The following SYNRG variants were observed in gnomAD, a reference collection of about 807,000 sequenced individuals.
SYNRG encodes the protein synergin gamma.
SYNRG carries 37 observed loss-of-function variants against 130.9 expected under a neutral mutation model. The ratio of observed to expected loss-of-function variants is 0.28; its 90% CI spans 0.22 to 0.37. SYNRG has a LOEUF of 0.37. SYNRG is among the 10% of genes least tolerant of loss of function. The probability of loss-of-function intolerance (pLI) is 1.00; values close to 1 mark genes in which losing one functional copy is unlikely to be tolerated. For missense variants in SYNRG, 1,338 were observed against 1,588.9 expected (o/e 0.84, Z 2.68); for synonymous variants, 539 against 568.1 (o/e 0.95, Z 0.73).
At chr17:37,520,516 G>A in intron 20 of SYNRG, 22 bp downstream of exon 20, 1 of 1,605,866 alleles carries the variant, frequency 6.2e-7, no homozygotes, top group Non-Finnish European at 8.5e-7. Flanking sequence ...TTTGCTGTCT[G>A]CAAGGAGGCT....
chr17:37,567,771 A>C (rs963988161), intron 11 of SYNRG: 3 of 152,258 alleles, frequency 2.0e-5, no homozygotes, highest in Non-Finnish European at 1.5e-5. Flanking sequence ...GAGATGAGCG[A>C]AACTGCATAA....
intron 19 of SYNRG, among the ~76,000 whole-genome samples, chr17:37,526,417 C>CCT (rs2055924347): frequency 6.6e-6 from 1 of 152,234 alleles, no homozygotes; most frequent in Non-Finnish European, 1.5e-5. Flanking sequence ...GTGATCTAGA[C>CCT]ACAGGTTCCA....
intron 19 of SYNRG, among the ~76,000 whole-genome samples, chr17:37,523,675 T>C (rs1201376521): frequency 6.6e-6 from 1 of 152,170 alleles, no homozygotes; most frequent in Admixed American, 6.5e-5. Context: ...GTGTCTGAAA[T>C]AGCAGTAGCC....
chr17:37,584,881 T>C (rs1598520212), intron 5 of SYNRG, 122 bp from the exon 6 acceptor site: 1 of 694,816 alleles, frequency 1.4e-6, no homozygotes, highest in East Asian at 2.7e-5. Flanking sequence ...ATACTTCTGA[T>C]AATGAATTAT....
Position 37,538,306 on chromosome 17 carries a change from A to C in SYNRG, c.3517+18T>G. 1 of 1,561,130 alleles carries C rather than the reference A, an allele frequency of 6.4e-7. No homozygotes were observed. The highest frequency in any genetic ancestry group is 8.7e-7 in the Non-Finnish European group (1 of 1,152,110). On this transcript the variant is annotated intron_variant, in intron 18 of 21. Coordinates refer to ENST00000612223, the MANE Select transcript of SYNRG (RefSeq NM_007247.6). ...CAAAGGGCCATCATTTTCAATAGTA[A>C]AATATGAAAGAACATACCTAATAAA...
At chr17:37,595,507 T>C (rs1051118336) in intron 3 of SYNRG, among the ~76,000 whole-genome samples, 1 of 152,000 alleles carries the variant, frequency 6.6e-6, no homozygotes, top group East Asian at 1.9e-4. Context: ...CGGGAGAAAG[T>C]GGGGGAAGGG....
At chr17:37,562,501 C>T (rs891285909) in intron 11 of SYNRG, among the ~76,000 whole-genome samples, 1 of 152,088 alleles carries the variant, frequency 6.6e-6, no homozygotes, top group African/African-American at 2.4e-5. Context: ...CATTCAATAC[C>T]ATGCACAAGT....
intron 14 of SYNRG, among the ~76,000 whole-genome samples, chr17:37,545,407 C>A (rs957939311): frequency 6.6e-6 from 1 of 151,916 alleles, no homozygotes; most frequent in Non-Finnish European, 1.5e-5. Context: ...AAAAAGGAGA[C>A]AATTTTCCTA....
At chr17:37,561,164 A>G in intron 13 of SYNRG, 31 bp downstream of exon 13, 1 of 1,580,390 alleles carries the variant, frequency 6.3e-7, no homozygotes, top group Non-Finnish European at 8.7e-7. Context: ...AAATGGAAAT[A>G]ATTTATCCTT....
intron 6 of SYNRG, among the ~76,000 whole-genome samples, chr17:37,582,760 T>C (rs532857942): frequency 6.6e-6 from 1 of 152,010 alleles, no homozygotes; most frequent in Non-Finnish European, 1.5e-5. Flanking sequence ...ACTCACGAGG[T>C]TGAAGTGGTA....
intron 11 of SYNRG, chr17:37,568,169 C>T (rs887277544): frequency 7.9e-5 from 12 of 152,168 alleles, no homozygotes; most frequent in African/African-American, 2.9e-4. Context: ...ACGCCACTGC[C>T]CTCCAGCCTG....
At position 37,518,758 on chromosome 17, in the gene SYNRG, G is replaced by T; in HGVS notation, c.*182C>A. The T allele has an allele frequency of 1.4e-6, 1 of 699,332 alleles. No individual in the cohort carries two copies. The highest frequency in any genetic ancestry group is 2.2e-6 in the Non-Finnish European group (1 of 444,472). The allele number at this position is 699,332 out of a possible 1,614,324, so 43.3% of individuals were successfully genotyped here. A position where few individuals can be genotyped will look rare whatever the true frequency, so the allele number is the denominator to read the frequency against. Reference sequence around the variant, plus strand: ...CTGGTGCCACGTGCAGTTTGGGTGGGACAATTTTACCTGAAGTCCTGCAGA... The same window carrying T: ...CTGGTGCCACGTGCAGTTTGGGTGGTACAATTTTACCTGAAGTCCTGCAGA... On this transcript the variant is annotated 3_prime_UTR_variant, in exon 22 of 22. Coordinates refer to ENST00000612223, the MANE Select transcript of SYNRG (RefSeq NM_007247.6).
At chr17:37,606,243 G>A (rs542539885) in intron 1 of SYNRG, among the ~76,000 whole-genome samples, 1 of 152,148 alleles carries the variant, frequency 6.6e-6, no homozygotes, top group Non-Finnish European at 1.5e-5. Context: ...TCTCTGTGAC[G>A]ATCTCTTGAC....
At position 37,600,392 on chromosome 17, in the gene SYNRG, G is replaced by A; in HGVS notation, c.89C>T (p.Pro30Leu). 6.2e-7 allele frequency: 1 copy of A among 1,613,272 alleles called. No homozygotes were observed. Among genetic ancestry groups the A allele is most frequent in the Non-Finnish European group, 8.5e-7 (1 of 1,179,776 alleles). The change falls in exon 2 of 22, where the codon CCT (proline) becomes CTT (leucine). Residue 30 changes from proline (P) to leucine (L), a missense_variant. Pro to Leu is a moderately conservative substitution (Grantham distance 98). This residue lies in a region of SYNRG where 184 missense variants were observed against 217.2 expected (regional missense o/e 0.85). Coordinates refer to ENST00000612223, the MANE Select transcript of SYNRG (RefSeq NM_007247.6). ...GSAGGGGFMF[P>L]VAGGIRPPQA... ...AGGGGGTCTTATCCCACCTGCAACAGGAAACATGAAGCTGAAAACAGAATA... is the reference window on the plus strand; with the variant it reads ...AGGGGGTCTTATCCCACCTGCAACAAGAAACATGAAGCTGAAAACAGAATA...
At chr17:37,558,701 G>C (rs190281963) in intron 13 of SYNRG, among the ~76,000 whole-genome samples, 21 of 152,288 alleles carry the variant, frequency 1.4e-4, no homozygotes, top group Non-Finnish European at 2.5e-4. Context: ...CACAAGCAAA[G>C]TATAGTAACT....
At position 37,518,825 on chromosome 17, in the gene SYNRG, C is replaced by T. The variant is rs909937633; in HGVS notation, c.*115G>A. ...CGGGGGCCCCGTCCCTTGCGGTGTT[C>T]TTCATATCGATTCAGGGAAGCGAAC... On this transcript the variant is annotated 3_prime_UTR_variant, in exon 22 of 22. Transcript: ENST00000612223. 1 of 1,458,978 alleles carries T rather than the reference C, an allele frequency of 6.9e-7. No homozygotes were observed. Among genetic ancestry groups the T allele is most frequent in the African/African-American group, 1.4e-5 (1 of 70,664 alleles). 90.4% of individuals were successfully genotyped at this position (1,458,978 alleles called of 1,614,324 possible). A position where few individuals can be genotyped will look rare whatever the true frequency, so the allele number is the denominator to read the frequency against.
In SYNRG at chr17:37,596,104, A is replaced by G. The variant is rs377427888; in HGVS notation, c.240+119T>C. 22 of 1,177,244 alleles carry G rather than the reference A, an allele frequency of 1.9e-5. No homozygotes were observed. In the African/African-American group the frequency reaches 3.4e-4, roughly 18 times the overall value. The allele number at this position is 1,177,244 out of a possible 1,614,324, so 72.9% of individuals were successfully genotyped here. On this transcript the variant is annotated intron_variant, in intron 3 of 21. Transcript: ENST00000612223. Reference sequence around the variant, plus strand: ...ACACATCTTCATTTTAGTTTGAAGGAAGCCATTTATTTATGCTTATTTCTA... The same window carrying G: ...ACACATCTTCATTTTAGTTTGAAGGGAGCCATTTATTTATGCTTATTTCTA...
At chr17:37,529,715 G>A in intron 19 of SYNRG, 7 of 1,455,800 alleles carry the variant, frequency 4.8e-6, no homozygotes, top group Non-Finnish European at 6.6e-6. Context: ...CAGCAACCCA[G>A]GAATCTCCCC....
intron 11 of SYNRG, among the ~76,000 whole-genome samples, chr17:37,566,289 A>G (rs1183244466): frequency 2.0e-5 from 3 of 150,184 alleles, no homozygotes; most frequent in African/African-American, 7.4e-5. Flanking sequence ...GTTCTGTACT[A>G]AGAAAAATTC....
Sources: allele counts gnomAD v4.1 joint callset (sites outside exome capture counted in the v4.1 genomes callset), GRCh38; gene constraint gnomAD v4.1.1; regional missense constraint gnomAD v4.1.1; transcripts MANE v1.5; gene names NCBI Gene and HGNC (gene_info 2026-07-23, HGNC 2026-07-21).